The following DOP1A variants were observed in gnomAD, a reference collection of about 807,000 sequenced individuals.
DOP1A encodes DOP1 leucine zipper like protein A.
A neutral mutation model predicts 267.6 loss-of-function variants in DOP1A; 90 were observed. The ratio of observed to expected loss-of-function variants is 0.34; its 90% CI spans 0.28 to 0.40. DOP1A has a LOEUF of 0.40. DOP1A is among the 10% of genes least tolerant of loss of function. DOP1A has a pLI of 1.00. For missense variants in DOP1A, 2,437 were observed against 2,900.4 expected (o/e 0.84, Z 3.67); for synonymous variants, 932 against 999.1 (o/e 0.93, Z 1.27).
At position 83,138,726 on chromosome 6, in the gene DOP1A, G is replaced by A; in HGVS notation, c.4684G>A (p.Asp1562Asn). 1 of 1,613,984 alleles carries A rather than the reference G, an allele frequency of 6.2e-7. No homozygotes were observed. The highest frequency in any genetic ancestry group is 8.5e-7 in the Non-Finnish European group (1 of 1,179,946). Residue 1562 changes from aspartate to asparagine, a missense_variant, in exon 21 of 39, where the codon GAC (aspartate) becomes AAC (asparagine). Asp to Asn is a conservative substitution (Grantham distance 23). Coordinates refer to ENST00000349129, the MANE Select transcript of DOP1A (RefSeq NM_015018.4). ...TGCTGTGGAAGAAGGTTTCTCAGAGGACAGCCTTATTAATTTCTCAGAGGA... is the reference window on the plus strand; with the variant it reads ...TGCTGTGGAAGAAGGTTTCTCAGAGAACAGCCTTATTAATTTCTCAGAGGA... ...LVAVEEGFSE[D>N]SLINFSEDEF...
rs578221833 is a variant in DOP1A, at chr6:83,168,274, T to C, written c.*107T>C. 3 of 1,442,642 alleles carry C rather than the reference T, an allele frequency of 2.1e-6. No individual in the cohort carries two copies. The highest frequency in any genetic ancestry group is 2.5e-5 in the East Asian group (1 of 40,236). 89.4% of individuals were successfully genotyped at this position (1,442,642 alleles called of 1,614,324 possible). A position where few individuals can be genotyped will look rare whatever the true frequency, so the allele number is the denominator to read the frequency against. On this transcript the variant is annotated 3_prime_UTR_variant, in exon 39 of 39. Transcript: ENST00000349129. ...CCTTTTTTGTATGTAACAGAACACA[T>C]TTCAGATTGTATTTAATTTAAATAT...
rs762294441 is a variant in DOP1A, at chr6:83,140,127, T to TA, written c.5232+17dup. ...GTATCACCAAGTAAGACTGCACAAATATTTGACTTCTTTTGAAAGACTGTG... is the reference window on the plus strand; with the variant it reads ...GTATCACCAAGTAAGACTGCACAAATAATTTGACTTCTTTTGAAAGACTGTG... On this transcript the variant is annotated intron_variant, in intron 22 of 38. Coordinates refer to ENST00000349129, the MANE Select transcript of DOP1A (RefSeq NM_015018.4). 4 of 1,608,034 alleles carry TA rather than the reference T, an allele frequency of 2.5e-6. No homozygotes were observed. Among genetic ancestry groups the TA allele is most frequent in the Non-Finnish European group, 1.7e-6 (2 of 1,176,366 alleles).
chr6:83,094,059 C>T (rs1770994399), intron 1 of DOP1A, among the ~76,000 whole-genome samples: 1 of 152,046 alleles, frequency 6.6e-6, no homozygotes, highest in African/African-American at 2.4e-5. Context: ...TGTCCATTTC[C>T]CACCAATTCC....
At chr6:83,169,271 G>A (rs541410808), downstream of DOP1A, 10 of 1,613,968 alleles carry the variant, frequency 6.2e-6, no homozygotes, top group Non-Finnish European at 8.5e-6. Context: ...AATTCCTCCA[G>A]CCAGCTGAAA....
chr6:83,153,758 A>T (rs1205982151), intron 31 of DOP1A, 136 bp from the exon 32 acceptor site: 1 of 1,170,460 alleles, frequency 8.5e-7, no homozygotes, highest in Non-Finnish European at 1.2e-6. Flanking sequence ...AAAAATTCAT[A>T]TATTATTTTT....
At chr6:83,077,037 T>C (rs1381530939) in intron 1 of DOP1A, among the ~76,000 whole-genome samples, 3 of 152,220 alleles carry the variant, frequency 2.0e-5, no homozygotes, top group African/African-American at 7.2e-5. Context: ...CCATACAATA[T>C]GGTTCCCCTT....
Position 83,098,532 on chromosome 6 carries a change from A to G in DOP1A, c.138+1417A>G, listed in dbSNP as rs576898983. ...TACCTGTGCTTCTGATCAACTGGCTATAAAGTTCCACAATCCTTTCTTTAG... is the reference window on the plus strand; with the variant it reads ...TACCTGTGCTTCTGATCAACTGGCTGTAAAGTTCCACAATCCTTTCTTTAG... On this transcript the variant is annotated intron_variant, in intron 3 of 38. Coordinates refer to ENST00000349129, the MANE Select transcript of DOP1A (RefSeq NM_015018.4). Among the ~76,000 whole-genome samples the G allele has an allele frequency of 7.2e-5, 11 of 152,308 alleles. 1 individual carries two copies. In the South Asian group the frequency reaches 2.3e-3, roughly 32 times the overall value.
At chr6:83,103,512 C>T (rs1045491513) in intron 4 of DOP1A, among the ~76,000 whole-genome samples, 5 of 152,168 alleles carry the variant, frequency 3.3e-5, no homozygotes, top group African/African-American at 1.2e-4. Flanking sequence ...TGAATTGATG[C>T]CTTTCACCAA....
intron 38 of DOP1A, chr6:83,165,052 A>G: frequency 4.5e-6 from 1 of 223,910 alleles, no homozygotes; most frequent in South Asian, 8.9e-5. Flanking sequence ...GTTCTCTTAC[A>G]TTTGGAAGTT....
At position 83,129,118 on chromosome 6, in the gene DOP1A, A is replaced by G. The variant is rs1777639102; in HGVS notation, c.1951A>G (p.Ile651Val). 6.2e-7 allele frequency: 1 copy of G among 1,613,908 alleles called. No individual in the cohort carries two copies. The highest frequency in any genetic ancestry group is 1.7e-5 in the Admixed American group (1 of 59,988). The part of the protein sequence containing the change: ...ASTVGSEETI[I>V]QTPSVVTQGT... ...CACTGTGGGATCTGAAGAAACCATCATCCAGACCCCTTCCGTAGTCACTCA... is the reference window on the plus strand; with the variant it reads ...CACTGTGGGATCTGAAGAAACCATCGTCCAGACCCCTTCCGTAGTCACTCA... Residue 651 changes from isoleucine (I) to valine (V), a missense_variant, in exon 16 of 39, where the codon ATC (isoleucine) becomes GTC (valine). By Grantham distance (29) the Ile-to-Val change is conservative. Transcript: ENST00000349129.
chr6:83,162,720 A>G (rs931749683), intron 37 of DOP1A, 70 bp from the exon 38 acceptor site: 3 of 1,505,436 alleles, frequency 2.0e-6, no homozygotes, highest in South Asian at 2.8e-5. Context: ...TTTCTACTAC[A>G]TTATGTGGCC....
In DOP1A at chr6:83,148,677, A is replaced by G. The variant is rs1781007274; in HGVS notation, c.5733-82A>G. On this transcript the variant is annotated intron_variant, in intron 26 of 38. Coordinates refer to ENST00000349129, the MANE Select transcript of DOP1A (RefSeq NM_015018.4). Reference sequence around the variant, plus strand: ...TAGGAATTTTGTTCTATCATTGTCTATAAAAATTTAGAGAATGTTCCACAA... The same window carrying G: ...TAGGAATTTTGTTCTATCATTGTCTGTAAAAATTTAGAGAATGTTCCACAA... The G allele has an allele frequency of 4.4e-6, 4 of 915,370 alleles. No individual in the cohort carries two copies. In the South Asian group the frequency reaches 5.3e-5, roughly 12 times the overall value. The allele number at this position is 915,370 out of a possible 1,614,324, so 56.7% of individuals were successfully genotyped here. A position where few individuals can be genotyped will look rare whatever the true frequency, so the allele number is the denominator to read the frequency against.
downstream of DOP1A, chr6:83,168,959 TA>T: frequency 5.1e-6 from 6 of 1,176,834 alleles, no homozygotes; most frequent in Non-Finnish European, 6.3e-6. Flanking sequence ...GTTCCCCACA[TA>T]AAACTGTACA....
chr6:83,143,381 C>G (rs1423281631), intron 24 of DOP1A, among the ~76,000 whole-genome samples: 1 of 152,128 alleles, frequency 6.6e-6, no homozygotes, highest in Non-Finnish European at 1.5e-5. Flanking sequence ...TTAATAATCA[C>G]TGTGTAAATA....
chr6:83,125,987 C>A (rs907727725), intron 15 of DOP1A, among the ~76,000 whole-genome samples: 1 of 151,816 alleles, frequency 6.6e-6, no homozygotes, highest in African/African-American at 2.4e-5. Context: ...AAGTAAAAAG[C>A]AGGTAAAGTT....
intron 24 of DOP1A, among the ~76,000 whole-genome samples, chr6:83,145,241 A>ATATATATATATATAAGT (rs1780445347): frequency 3.0e-4 from 1 of 3,360 alleles, no homozygotes; most frequent in Admixed American, 3.6e-3. Flanking sequence ...ATATATAAGT[A>ATATATATATATATAAGT]AAATTTGCCT....
intron 4 of DOP1A, 46 bp from the exon 5 acceptor site, chr6:83,108,864 T>C (rs898025161): frequency 6.5e-7 from 1 of 1,528,708 alleles, no homozygotes; most frequent in African/African-American, 1.4e-5. Flanking sequence ...ATTAATATTG[T>C]ATAGTTATTT....
intron 4 of DOP1A, among the ~76,000 whole-genome samples, chr6:83,103,689 A>C (rs1008301819): frequency 3.3e-5 from 5 of 152,142 alleles, no homozygotes; most frequent in Non-Finnish European, 7.4e-5. Flanking sequence ...CTTCTGACCT[A>C]GTTTCCAGGT....
chr6:83,130,447 G>C, intron 17 of DOP1A, 50 bp downstream of exon 17: 1 of 1,551,160 alleles, frequency 6.4e-7, no homozygotes, highest in Non-Finnish European at 8.7e-7. Context: ...AGCCATGTAT[G>C]ATACTTGACC....
Sources: gnomAD v4.1 joint callset for allele counts (sites outside exome capture counted in the v4.1 genomes callset) on GRCh38, gnomAD v4.1.1 for gene constraint, MANE v1.5 for transcripts, NCBI Gene and HGNC (gene_info 2026-07-23, HGNC 2026-07-21) for gene names.